The following PABPC4L variants were observed in gnomAD, a reference collection of about 807,000 sequenced individuals.
PABPC4L encodes the protein polyadenylate-binding protein 4-like.
For missense variants in PABPC4L, 452 were observed against 451.4 expected (o/e 1.00, Z -0.01); for synonymous variants, 169 against 164.1 (o/e 1.03, Z -0.23).
the PABPC4L span, among the ~76,000 whole-genome samples, chr4:134,016,856 C>T: frequency 6.6e-6 from 1 of 152,252 alleles, no homozygotes; most frequent in East Asian, 1.9e-4. Context: ...CCCTCCCTTT[C>T]CTACCCATCA....
At chr4:134,139,324 A>T in the PABPC4L span, among the ~76,000 whole-genome samples, 2 of 151,950 alleles carry the variant, frequency 1.3e-5, no homozygotes, top group African/African-American at 4.8e-5. Context: ...TCAAGTAAAT[A>T]TGTACTGATT....
the PABPC4L span, among the ~76,000 whole-genome samples, chr4:134,189,672 C>T: frequency 6.6e-6 from 1 of 151,978 alleles, no homozygotes; most frequent in East Asian, 1.9e-4. Flanking sequence ...GGGAAGCATC[C>T]TGTAGTCTTA....
chr4:134,021,907 T>C, the PABPC4L span, among the ~76,000 whole-genome samples: 1 of 152,152 alleles, frequency 6.6e-6, no homozygotes, highest in African/African-American at 2.4e-5. Context: ...TGCAAGTTAA[T>C]GAGCTTCATG....
the PABPC4L span, among the ~76,000 whole-genome samples, chr4:134,101,199 G>A: frequency 1.3e-5 from 2 of 151,416 alleles, no homozygotes; most frequent in Admixed American, 6.6e-5. Context: ...AAAAGCATTA[G>A]TTATCCAGAT....
chr4:134,075,533 A>G, the PABPC4L span, among the ~76,000 whole-genome samples: 1 of 152,144 alleles, frequency 6.6e-6, no homozygotes, highest in Non-Finnish European at 1.5e-5. Flanking sequence ...GAACTATTCT[A>G]ATAGCATCCG....
At chr4:133,987,119 G>C in the PABPC4L span, among the ~76,000 whole-genome samples, 1 of 152,258 alleles carries the variant, frequency 6.6e-6, no homozygotes, top group African/African-American at 2.4e-5. Flanking sequence ...TCAAAGGTTA[G>C]TTTTGTTGTT....
chr4:134,024,133 T>C, the PABPC4L span, among the ~76,000 whole-genome samples: 3 of 152,158 alleles, frequency 2.0e-5, no homozygotes, highest in Non-Finnish European at 4.4e-5. Context: ...TTTCTTGATC[T>C]GGTCTCTGTT....
At chr4:134,013,370 G>A in the PABPC4L span, among the ~76,000 whole-genome samples, 283 of 151,842 alleles carry the variant, frequency 1.9e-3, 1 homozygote, top group Middle Eastern at 3.4e-3. Flanking sequence ...CCTCTTCTCC[G>A]TGTCTCTACT....
chr4:133,989,985 AACTC>A, the PABPC4L span, among the ~76,000 whole-genome samples: 63 of 152,110 alleles, frequency 4.1e-4, no homozygotes, highest in East Asian at 0.011. Flanking sequence ...AAGATCTCAT[AACTC>A]ACTCACTATT....
At chr4:134,009,149 C>T in the PABPC4L span, among the ~76,000 whole-genome samples, 1 of 151,720 alleles carries the variant, frequency 6.6e-6, no homozygotes, top group East Asian at 1.9e-4. Flanking sequence ...GAACAAGTCA[C>T]TCTTATATAA....
the PABPC4L span, among the ~76,000 whole-genome samples, chr4:133,961,609 T>C: frequency 6.6e-6 from 1 of 152,094 alleles, no homozygotes; most frequent in African/African-American, 2.4e-5. Context: ...GCCCTTTGGG[T>C]CCCCTCCCAT....
At chr4:134,152,488 C>G in the PABPC4L span, among the ~76,000 whole-genome samples, 1 of 152,144 alleles carries the variant, frequency 6.6e-6, no homozygotes, top group Admixed American at 6.6e-5. Flanking sequence ...GTGGTTCTGC[C>G]TCTGTGGCAG....
the PABPC4L span, among the ~76,000 whole-genome samples, chr4:134,100,382 A>C: frequency 6.6e-6 from 1 of 151,752 alleles, no homozygotes; most frequent in East Asian, 1.9e-4. Context: ...ACAACACATT[A>C]CTTGCTTTAT....
the PABPC4L span, among the ~76,000 whole-genome samples, chr4:134,069,057 A>C: frequency 6.6e-6 from 1 of 152,068 alleles, no homozygotes; most frequent in Non-Finnish European, 1.5e-5. Flanking sequence ...GCTTATCTGG[A>C]CTAGGATCCT....
chr4:134,190,200 C>G, the PABPC4L span, among the ~76,000 whole-genome samples: 1 of 152,120 alleles, frequency 6.6e-6, no homozygotes, highest in Non-Finnish European at 1.5e-5. Flanking sequence ...AACTGTGATT[C>G]TCTTTATCTG....
chr4:134,062,042 C>A, the PABPC4L span, among the ~76,000 whole-genome samples: 5 of 151,164 alleles, frequency 3.3e-5, no homozygotes, highest in Non-Finnish European at 7.4e-5. Flanking sequence ...AATCTTAAAT[C>A]TAATGGAATA....
chr4:134,036,044 G>A, the PABPC4L span, among the ~76,000 whole-genome samples: 1 of 152,028 alleles, frequency 6.6e-6, no homozygotes, highest in East Asian at 1.9e-4. Flanking sequence ...TTGACACTTA[G>A]GGATTACGAG....
At chr4:134,109,115 T>A in the PABPC4L span, among the ~76,000 whole-genome samples, 1,735 of 152,084 alleles carry the variant, frequency 0.011, 35 homozygotes, top group African/African-American at 0.037. Context: ...AGGTTTGTAA[T>A]GCTTTTCATA....
At chr4:134,193,769 A>G (rs1578878505), downstream of PABPC4L, among the ~76,000 whole-genome samples, 2 of 152,070 alleles carry the variant, frequency 1.3e-5, no homozygotes, top group East Asian at 3.9e-4. Flanking sequence ...AGAGAGAGGT[A>G]TAAAAGAAAC....
Sources: allele counts gnomAD v4.1 joint callset (sites outside exome capture counted in the v4.1 genomes callset), GRCh38; gene constraint gnomAD v4.1.1; transcripts MANE v1.5; gene names NCBI Gene and HGNC (gene_info 2026-07-23, HGNC 2026-07-21).